The following KHDRBS2 variants were observed in gnomAD, a reference collection of about 807,000 sequenced individuals.
The protein encoded by KHDRBS2 is KH RNA binding domain containing, signal transduction associated 2, also known as KH domain-containing, RNA-binding, signal transduction-associated protein 2.
A neutral mutation model predicts 44.3 loss-of-function variants in KHDRBS2; 26 were observed. That is an observed-to-expected ratio of 0.59 (90% CI 0.43 to 0.81). The LOEUF is 0.81. KHDRBS2 is among the 40% of genes least tolerant of loss of function. The pLI is 0.00. For missense variants in KHDRBS2, 476 were observed against 433.1 expected, an observed-to-expected ratio of 1.10 and a Z score of -0.88; for synonymous variants, 194 against 151.1, an observed-to-expected ratio of 1.28 and a Z score of -2.08.
intron 2 of KHDRBS2, among the ~76,000 whole-genome samples, chr6:62,151,004 C>T (rs1365689400): frequency 6.6e-6 from 1 of 152,080 alleles, no homozygotes; most frequent in Non-Finnish European, 1.5e-5. Flanking sequence ...CCCCCCTTCT[C>T]ACCCCATCAC....
At chr6:62,068,172 G>A (rs562700423) in intron 2 of KHDRBS2, among the ~76,000 whole-genome samples, 26 of 151,392 alleles carry the variant, frequency 1.7e-4, no homozygotes, top group African/African-American at 6.0e-4. Flanking sequence ...ATGTGGGACT[G>A]TTTTTCCACT....
chr6:62,279,025 C>T (rs1346974820), intron 1 of KHDRBS2, among the ~76,000 whole-genome samples: 7 of 151,990 alleles, frequency 4.6e-5, no homozygotes, highest in Admixed American at 3.3e-4. Flanking sequence ...ACCCGGGAGG[C>T]GGAGCTTGCA....
intron 2 of KHDRBS2, among the ~76,000 whole-genome samples, chr6:62,067,838 A>G (rs1325061301): frequency 2.0e-5 from 3 of 151,582 alleles, no homozygotes; most frequent in Non-Finnish European, 3.0e-5. Context: ...GTCGTACAAC[A>G]TGTGGTTTTT....
At chr6:61,697,949 C>A (rs948872258) in intron 7 of KHDRBS2, among the ~76,000 whole-genome samples, 1 of 152,126 alleles carries the variant, frequency 6.6e-6, no homozygotes, top group Non-Finnish European at 1.5e-5. Flanking sequence ...CCGTAAAAAG[C>A]TCTGCCTCAT....
At chr6:62,010,054 G>C (rs1780012415) in intron 3 of KHDRBS2, among the ~76,000 whole-genome samples, 4 of 152,098 alleles carry the variant, frequency 2.6e-5, no homozygotes. Context: ...CATGAGCCTG[G>C]AAAAGTGGTA....
intron 6 of KHDRBS2, among the ~76,000 whole-genome samples, chr6:61,854,028 G>A (rs1228375268): frequency 6.6e-6 from 1 of 152,038 alleles, no homozygotes; most frequent in African/African-American, 2.4e-5. Flanking sequence ...GTCTCTATTT[G>A]GGATTTCCTT....
intron 2 of KHDRBS2, among the ~76,000 whole-genome samples, chr6:62,098,633 G>C (rs1051128170): frequency 6.6e-6 from 1 of 152,090 alleles, no homozygotes; most frequent in Non-Finnish European, 1.5e-5. Context: ...ACACTCATTT[G>C]AGTTTAATCT....
At position 62,129,215 on chromosome 6, in the gene KHDRBS2, T is replaced by G. The variant is rs531602306; in HGVS notation, c.219+47970A>C. ...AAATTTCCTCTGTTTACAAGTTTAT[T>G]AAAACCCCACAACAAGTTATATACT... On this transcript the variant is annotated intron_variant, in intron 2 of 8. Transcript: ENST00000281156. 1.2e-4 allele frequency among the ~76,000 whole-genome samples: 19 copies of G among 152,258 alleles called. No individual in the cohort carries two copies. The East Asian group carries it at 3.3e-3, about 26-fold the overall frequency.
chr6:62,148,393 T>A (rs1814387341), intron 2 of KHDRBS2, among the ~76,000 whole-genome samples: 1 of 152,010 alleles, frequency 6.6e-6, no homozygotes, highest in African/African-American at 2.4e-5. Context: ...CTTAAGAAGC[T>A]CTTGAGTCTT....
At chr6:62,054,982 T>C (rs952456132) in intron 2 of KHDRBS2, among the ~76,000 whole-genome samples, 1 of 152,022 alleles carries the variant, frequency 6.6e-6, no homozygotes, top group African/African-American at 2.4e-5. Flanking sequence ...TCCTACATCA[T>C]AACAGAAAAA....
intron 2 of KHDRBS2, among the ~76,000 whole-genome samples, chr6:62,103,136 T>C (rs966325224): frequency 2.6e-5 from 4 of 151,956 alleles, no homozygotes; most frequent in African/African-American, 9.7e-5. Context: ...ATCAATGAAG[T>C]TCTCACTCCT....
At chr6:61,878,120 C>T (rs1321188281) in intron 6 of KHDRBS2, among the ~76,000 whole-genome samples, 1 of 151,712 alleles carries the variant, frequency 6.6e-6, no homozygotes, top group Non-Finnish European at 1.5e-5. Context: ...TTTTCTATTC[C>T]ATTCTTATTT....
chr6:62,052,032 C>A (rs928113443), intron 2 of KHDRBS2, among the ~76,000 whole-genome samples: 2 of 151,170 alleles, frequency 1.3e-5, no homozygotes, highest in Non-Finnish European at 2.9e-5. Context: ...TGTAGACTGC[C>A]CATGGGAATG....
chr6:61,851,232 T>C (rs1310853920), intron 6 of KHDRBS2, among the ~76,000 whole-genome samples: 2 of 151,580 alleles, frequency 1.3e-5, no homozygotes, highest in Non-Finnish European at 2.9e-5. Flanking sequence ...TATATGTGTA[T>C]ATATGTATAT....
At chr6:61,832,817 T>C (rs1412667056) in intron 6 of KHDRBS2, among the ~76,000 whole-genome samples, 1 of 152,210 alleles carries the variant, frequency 6.6e-6, no homozygotes, top group Non-Finnish European at 1.5e-5. Context: ...CTCAAGTCTT[T>C]TTGTGTCCAA....
intron 1 of KHDRBS2, among the ~76,000 whole-genome samples, chr6:62,220,882 G>T (rs1830788064): frequency 6.6e-6 from 1 of 151,824 alleles, no homozygotes. Flanking sequence ...GAAAAAATTT[G>T]TTAGATTACA....
At chr6:61,692,354 A>G (rs1339568010) in intron 8 of KHDRBS2, among the ~76,000 whole-genome samples, 1 of 152,008 alleles carries the variant, frequency 6.6e-6, no homozygotes, top group African/African-American at 2.4e-5. Context: ...AAATTAATTA[A>G]ATATTTAATA....
intron 6 of KHDRBS2, among the ~76,000 whole-genome samples, chr6:61,741,827 T>C (rs1053918866): frequency 1.3e-5 from 2 of 151,996 alleles, no homozygotes; most frequent in Non-Finnish European, 2.9e-5. Context: ...TTAAATGATA[T>C]GAAATGTCAT....
At chr6:61,545,501 C>CTCTGTGTGTGTGTGTG in the KHDRBS2 span, among the ~76,000 whole-genome samples, 1 of 148,334 alleles carries the variant, frequency 6.7e-6, no homozygotes, top group Non-Finnish European at 1.5e-5. Context: ...TAGCTAATCT[C>CTCTGTGTGTGTGTGTG]TGTGTGTGTG....
Sources: allele counts gnomAD v4.1 joint callset (sites outside exome capture counted in the v4.1 genomes callset), GRCh38; gene constraint gnomAD v4.1.1; transcripts MANE v1.5; gene names NCBI Gene and HGNC (gene_info 2026-07-23, HGNC 2026-07-21).